LRRTM4: variants seen among roughly 807,000 people sequenced by gnomAD.
The protein encoded by LRRTM4 is leucine rich repeat transmembrane neuronal 4.
LRRTM4 carries 25 observed loss-of-function variants against 47.6 expected under a neutral mutation model. The observed-to-expected ratio is 0.53, with a 90% CI of 0.38 to 0.73. The LOEUF (loss-of-function observed/expected upper bound fraction) is 0.73. Ranked by LOEUF, LRRTM4 falls within the 30% of genes least tolerant of loss-of-function variation. The probability of loss-of-function intolerance (pLI) is 0.00; values close to 1 mark genes in which losing one functional copy is unlikely to be tolerated. For missense variants in LRRTM4, 638 were observed against 713.4 expected (o/e 0.89, Z 1.20); for synonymous variants, 311 against 269.5 (o/e 1.15, Z -1.51).
At chr2:77,349,296 G>T (rs1671675266) in intron 3 of LRRTM4, among the ~76,000 whole-genome samples, 1 of 151,186 alleles carries the variant, frequency 6.6e-6, no homozygotes. Flanking sequence ...AAAAACAGAT[G>T]GGAATAAAAC....
chr2:76,828,636 T>C (rs1211835415), intron 3 of LRRTM4, among the ~76,000 whole-genome samples: 2 of 151,964 alleles, frequency 1.3e-5, no homozygotes, highest in Non-Finnish European at 2.9e-5. Flanking sequence ...ACTAAATTTT[T>C]CTTTGTGTTT....
chr2:76,965,871 G>T (rs994433729), intron 3 of LRRTM4, among the ~76,000 whole-genome samples: 1 of 151,322 alleles, frequency 6.6e-6, no homozygotes, highest in Admixed American at 6.6e-5. Context: ...CATCCCTATA[G>T]GTATATCAAT....
chr2:77,172,614 A>AAT (rs1553403110), intron 3 of LRRTM4, among the ~76,000 whole-genome samples: 62 of 152,256 alleles, frequency 4.1e-4, no homozygotes, highest in African/African-American at 1.3e-3. Context: ...AAAAAAAATA[A>AAT]AAATAAATAA....
At chr2:77,113,199 T>G (rs1426525673) in intron 3 of LRRTM4, among the ~76,000 whole-genome samples, 1 of 152,122 alleles carries the variant, frequency 6.6e-6, no homozygotes, top group African/African-American at 2.4e-5. Context: ...CCGATTTAGC[T>G]GAGCCTGCAG....
intron 3 of LRRTM4, among the ~76,000 whole-genome samples, chr2:77,094,254 A>G (rs1439915769): frequency 6.6e-6 from 1 of 152,208 alleles, no homozygotes; most frequent in Admixed American, 6.5e-5. Context: ...ACAATCAACT[A>G]TAAAACACTG....
chr2:77,126,974 A>T (rs1671666493), intron 3 of LRRTM4, among the ~76,000 whole-genome samples: 1 of 152,118 alleles, frequency 6.6e-6, no homozygotes, highest in Non-Finnish European at 1.5e-5. Flanking sequence ...TTTATTTTTA[A>T]TTCTTCCTCT....
intron 3 of LRRTM4, among the ~76,000 whole-genome samples, chr2:77,485,419 A>G (rs954125523): frequency 2.0e-5 from 3 of 152,208 alleles, no homozygotes; most frequent in Non-Finnish European, 2.9e-5. Context: ...TAAAGAAAAC[A>G]ATGAACAAAG....
At chr2:77,297,985 A>G (rs1677019375) in intron 3 of LRRTM4, among the ~76,000 whole-genome samples, 1 of 152,198 alleles carries the variant, frequency 6.6e-6, no homozygotes, top group South Asian at 2.1e-4. Context: ...CAAATCATAA[A>G]CAGCACCTTT....
intron 3 of LRRTM4, among the ~76,000 whole-genome samples, chr2:77,149,886 G>T (rs1229169672): frequency 1.3e-5 from 2 of 152,046 alleles, no homozygotes; most frequent in African/African-American, 2.4e-5. Context: ...CTCTCTCCTT[G>T]GTTTTGCCCA....
chr2:77,198,526 A>C (rs1286445365), intron 3 of LRRTM4, among the ~76,000 whole-genome samples: 1 of 152,192 alleles, frequency 6.6e-6, no homozygotes, highest in East Asian at 1.9e-4. Flanking sequence ...GTTAAAATTA[A>C]GATTAATTGT....
At chr2:77,181,286 C>A (rs967477407) in intron 3 of LRRTM4, among the ~76,000 whole-genome samples, 2 of 152,014 alleles carry the variant, frequency 1.3e-5, no homozygotes, top group Non-Finnish European at 2.9e-5. Flanking sequence ...AGTTTCATGT[C>A]TGAGGGTGAA....
chr2:76,899,638 C>T (rs150396248), intron 3 of LRRTM4, among the ~76,000 whole-genome samples: 1 of 151,714 alleles, frequency 6.6e-6, no homozygotes, highest in African/African-American at 2.4e-5. Context: ...GGAGGAAAGG[C>T]AGGAAAAAGT....
intron 3 of LRRTM4, among the ~76,000 whole-genome samples, chr2:77,449,280 C>T (rs917927151): frequency 6.6e-6 from 1 of 152,066 alleles, no homozygotes; most frequent in Non-Finnish European, 1.5e-5. Context: ...TTGGCATAAG[C>T]TTTAGAATGA....
At chr2:76,902,796 T>C (rs4852420) in intron 3 of LRRTM4, among the ~76,000 whole-genome samples, 21,859 of 152,166 alleles carry the variant, frequency 0.14, 1,739 homozygotes, top group Non-Finnish European at 0.16. Flanking sequence ...AACTATTCTA[T>C]TGAGTTGTAC....
intron 3 of LRRTM4, among the ~76,000 whole-genome samples, chr2:77,095,691 G>T (rs887173984): frequency 6.6e-6 from 1 of 151,868 alleles, no homozygotes; most frequent in East Asian, 1.9e-4. Context: ...GTATTTTTTA[G>T]TAGAGACAGG....
At position 77,157,525 on chromosome 2, in the gene LRRTM4, T is replaced by C. The variant is rs140814908; in HGVS notation, c.1551+360793A>G. On this transcript the variant is annotated intron_variant, in intron 3 of 3. Coordinates refer to ENST00000409884, the MANE Select transcript of LRRTM4 (RefSeq NM_001134745.3). The stretch of plus-strand genomic sequence containing the variant: ...TTTCATTATTGCTTATAATATTTGA[T>C]AATTTTATAAAAGAGAAACTTTTCT... Among the ~76,000 whole-genome samples the C allele has an allele frequency of 5.3e-5, 8 of 152,304 alleles. No individual in the cohort carries two copies. The East Asian group carries it at 1.5e-3, about 29-fold the overall frequency.
intron 3 of LRRTM4, among the ~76,000 whole-genome samples, chr2:77,087,139 G>T (rs561426986): frequency 6.6e-6 from 1 of 152,286 alleles, no homozygotes; most frequent in East Asian, 1.9e-4. Flanking sequence ...TATGCATCTT[G>T]AGTTTTAATA....
intron 3 of LRRTM4, among the ~76,000 whole-genome samples, chr2:76,838,160 A>G (rs1388092577): frequency 6.6e-6 from 1 of 152,008 alleles, no homozygotes; most frequent in Non-Finnish European, 1.5e-5. Context: ...TACTATTTAT[A>G]TAAACAAGTC....
At chr2:77,399,342 A>G (rs1673845230) in intron 3 of LRRTM4, among the ~76,000 whole-genome samples, 1 of 151,880 alleles carries the variant, frequency 6.6e-6, no homozygotes, top group Non-Finnish European at 1.5e-5. Flanking sequence ...CTTTGTAGTG[A>G]GAACACTTAA....
Sources: allele counts gnomAD v4.1 joint callset (sites outside exome capture counted in the v4.1 genomes callset), GRCh38; gene constraint gnomAD v4.1.1; transcripts MANE v1.5; gene names NCBI Gene and HGNC (gene_info 2026-07-23, HGNC 2026-07-21).